The following CACNA2D1 variants were observed in gnomAD, a reference collection of about 807,000 sequenced individuals.
CACNA2D1 encodes calcium voltage-gated channel auxiliary subunit alpha2delta 1.
Under a neutral mutation model 171.5 loss-of-function variants are expected in CACNA2D1, and 53 were observed. That is an observed-to-expected ratio of 0.31 (90% confidence interval 0.25 to 0.39). CACNA2D1 has a LOEUF of 0.39. Among genes scored for constraint, CACNA2D1 ranks in the 10% least tolerant of loss-of-function variants. CACNA2D1 has a pLI of 1.00. For missense variants in CACNA2D1, 903 were observed against 1,299.8 expected, an observed-to-expected ratio of 0.69 and a Z score of 4.69; for synonymous variants, 442 against 443.1, an observed-to-expected ratio of 1.00 and a Z score of 0.03.
rs113803736 is a variant in CACNA2D1 at position 82,442,315 on chromosome 7, T to C, written c.95+1050A>G. Among the ~76,000 whole-genome samples the C allele has an allele frequency of 3.2e-4, 49 of 152,322 alleles. 2 individuals carry two copies. The highest frequency in any genetic ancestry group is 1.2e-3 in the African/African-American group (48 of 41,578). ...CCAGCAGCATAAATACCGGGAAAGCTACCTTGGGCTTTGTTTTTGTTATGT... is the reference window on the plus strand; with the variant it reads ...CCAGCAGCATAAATACCGGGAAAGCCACCTTGGGCTTTGTTTTTGTTATGT... On this transcript the variant is annotated intron_variant, in intron 1 of 38. Transcript: ENST00000356860.
At chr7:82,369,524 T>C (rs1023767696) in intron 1 of CACNA2D1, among the ~76,000 whole-genome samples, 13 of 151,990 alleles carry the variant, frequency 8.6e-5, no homozygotes, top group Non-Finnish European at 1.5e-5. Context: ...AAAATTAATG[T>C]GTATATTCAT....
intron 3 of CACNA2D1, among the ~76,000 whole-genome samples, chr7:82,210,147 T>C (rs1800413557): frequency 6.6e-6 from 1 of 150,902 alleles, no homozygotes. Context: ...GAAGTATTTG[T>C]TGAATAAATG....
intron 3 of CACNA2D1, among the ~76,000 whole-genome samples, chr7:82,224,838 T>C (rs1409879412): frequency 6.6e-6 from 1 of 152,072 alleles, no homozygotes; most frequent in Non-Finnish European, 1.5e-5. Flanking sequence ...GGATGTGAAA[T>C]TCAAACCTAA....
intron 3 of CACNA2D1, among the ~76,000 whole-genome samples, chr7:82,267,777 G>A (rs561406791): frequency 1.3e-5 from 2 of 152,164 alleles, no homozygotes; most frequent in Admixed American, 6.5e-5. Context: ...GGCGGATCAC[G>A]AGGTCAGGAG....
At chr7:82,332,819 G>C (rs1303793721) in intron 3 of CACNA2D1, among the ~76,000 whole-genome samples, 3 of 152,142 alleles carry the variant, frequency 2.0e-5, no homozygotes, top group African/African-American at 7.2e-5. Context: ...GGGCAACATA[G>C]GGAGACCTCA....
chr7:82,148,281 A>G (rs992906217), intron 4 of CACNA2D1, among the ~76,000 whole-genome samples: 9 of 152,064 alleles, frequency 5.9e-5, no homozygotes, highest in Middle Eastern at 3.2e-3. Context: ...ATGATTTTAC[A>G]TATAAGACAA....
intron 3 of CACNA2D1, among the ~76,000 whole-genome samples, chr7:82,175,739 T>C (rs527526879): frequency 6.6e-6 from 1 of 152,112 alleles, no homozygotes; most frequent in South Asian, 2.1e-4. Flanking sequence ...ATTTTGGTAA[T>C]AAAGCTAACA....
rs950235520 is a variant in CACNA2D1 at position 82,098,868 on chromosome 7, A to T, written c.527-13968T>A. Among the ~76,000 whole-genome samples the T allele has an allele frequency of 3.3e-5, 5 of 152,194 alleles. 1 individual carries two copies. The highest frequency in any genetic ancestry group is 1.2e-4 in the African/African-American group (5 of 41,454). ...ACAAGATTTAATTACTTAGAAACTT[A>T]TCAGATTTTTAATCCTCAACAATAA... is the stretch of plus-strand genomic sequence containing the variant. On this transcript the variant is annotated intron_variant, in intron 6 of 38. Transcript: ENST00000356860.
At chr7:81,978,750 A>AGTGTGT (rs541384324) in intron 24 of CACNA2D1, among the ~76,000 whole-genome samples, 14,420 of 76,658 alleles carry the variant, frequency 0.19, 1,016 homozygotes, top group African/African-American at 0.29. Flanking sequence ...TTTTTTAAAA[A>AGTGTGT]GTGTATATAT....
rs1043603078 is a variant in CACNA2D1 at position 82,397,009 on chromosome 7, T to C, written c.95+46356A>G. Among the ~76,000 whole-genome samples, 6 of 152,336 alleles carry C rather than the reference T, an allele frequency of 3.9e-5. 1 individual carries two copies. The highest frequency in any genetic ancestry group is 3.9e-4 in the Admixed American group (6 of 15,308). ...TGCGTTTCTTTTTGAACTTATGCATTGATTTCTTCATGTCTTTCACCTGTT... is the reference window on the plus strand; with the variant it reads ...TGCGTTTCTTTTTGAACTTATGCATCGATTTCTTCATGTCTTTCACCTGTT... On this transcript the variant is annotated intron_variant, in intron 1 of 38. Transcript: ENST00000356860.
intron 5 of CACNA2D1, among the ~76,000 whole-genome samples, chr7:82,123,498 T>C (rs759824733): frequency 2.6e-5 from 4 of 152,218 alleles, no homozygotes; most frequent in Non-Finnish European, 4.4e-5. Flanking sequence ...TGGATAGATG[T>C]AATAAATTCA....
intron 5 of CACNA2D1, among the ~76,000 whole-genome samples, chr7:82,132,501 A>AAG (rs1791109613): frequency 6.6e-6 from 1 of 152,184 alleles, no homozygotes; most frequent in South Asian, 2.1e-4. Context: ...TGATGTATGC[A>AAG]AACTCTGAGA....
chr7:82,349,922 C>T (rs972017973), intron 1 of CACNA2D1, among the ~76,000 whole-genome samples: 1 of 152,136 alleles, frequency 6.6e-6, no homozygotes, highest in African/African-American at 2.4e-5. Context: ...AAACAATTTG[C>T]TTATTTTGAA....
chr7:82,403,259 G>C (rs975192507), intron 1 of CACNA2D1, among the ~76,000 whole-genome samples: 8 of 152,202 alleles, frequency 5.3e-5, no homozygotes, highest in African/African-American at 1.9e-4. Context: ...TGACCAGACT[G>C]ATTAGAGAAA....
chr7:82,200,803 G>A (rs1799340612), intron 3 of CACNA2D1, among the ~76,000 whole-genome samples: 1 of 152,188 alleles, frequency 6.6e-6, no homozygotes, highest in African/African-American at 2.4e-5. Context: ...AAACCATAGA[G>A]TGATTTAGAA....
rs937022642 is a variant in CACNA2D1 at position 81,956,712 on chromosome 7, T to C, written c.3159+2563A>G. Among the ~76,000 whole-genome samples, 3 of 152,094 alleles carry C rather than the reference T, an allele frequency of 2.0e-5. No homozygotes were observed. The East Asian group carries it at 5.8e-4, about 29-fold the overall frequency. ...GCCTGTGAATTCACTCCATTCATAG[T>C]AATGGCCACATCTCCATCTAGTGGC... On this transcript the variant is annotated intron_variant, in intron 38 of 38. Transcript: ENST00000356860.
chr7:81,983,400 T>C, intron 22 of CACNA2D1, 66 bp from the exon 23 acceptor site: 11 of 1,152,508 alleles, frequency 9.5e-6, no homozygotes, highest in Non-Finnish European at 1.3e-5. Context: ...GCAAAGGGGG[T>C]CATAAACAAT....
chr7:82,278,927 G>C (rs1281420059), intron 3 of CACNA2D1, among the ~76,000 whole-genome samples: 1 of 152,130 alleles, frequency 6.6e-6, no homozygotes. Flanking sequence ...ACATGAATTG[G>C]TTCTCAGTAA....
At chr7:82,070,449 G>A (rs536884556) in intron 7 of CACNA2D1, among the ~76,000 whole-genome samples, 70 of 152,266 alleles carry the variant, frequency 4.6e-4, no homozygotes, top group African/African-American at 1.4e-3. Flanking sequence ...GCTAAGTTGC[G>A]CAGGGTGTGG....
Sources: gnomAD v4.1 joint callset for allele counts (sites outside exome capture counted in the v4.1 genomes callset) on GRCh38, gnomAD v4.1.1 for gene constraint, MANE v1.5 for transcripts, NCBI Gene and HGNC (gene_info 2026-07-23, HGNC 2026-07-21) for gene names.